The following ATPAF1 variants were observed in gnomAD, a reference collection of about 807,000 sequenced individuals.
ATPAF1 encodes the protein ATP synthase mitochondrial F1 complex assembly factor 1, also known as homolog of yeast ATP11.
A neutral mutation model predicts 43.9 loss-of-function variants in ATPAF1; 26 were observed. The observed-to-expected ratio is 0.59, with a 90% CI of 0.43 to 0.82. The LOEUF is 0.82. Ranked by LOEUF, ATPAF1 falls within the 40% of genes least tolerant of loss-of-function variation. ATPAF1 has a pLI of 0.00. For missense variants in ATPAF1, 366 were observed against 435.0 expected (o/e 0.84, Z 1.41); for synonymous variants, 157 against 168.0 (o/e 0.93, Z 0.50).
rs1049395520 is a variant in ATPAF1, at chr1:46,643,073, A to G, written c.792+121T>C. On this transcript the variant is annotated intron_variant, in intron 8 of 8. Coordinates refer to ENST00000574428, the Ensembl canonical transcript of ATPAF1. ...AGACAACTTCACTGTCAACTTTAAA[A>G]TAAGTAAGAAACAAGGTATATGTAG... 16 of 770,924 alleles carry G rather than the reference A, an allele frequency of 2.1e-5. 1 individual carries two copies. In the South Asian group the frequency reaches 2.7e-4, roughly 13 times the overall value. 47.8% of individuals were successfully genotyped at this position (770,924 alleles called of 1,614,324 possible).
intron 6 of ATPAF1, among the ~76,000 whole-genome samples, chr1:46,647,503 TACACAC>T (rs56095996): frequency 6.0e-5 from 9 of 150,600 alleles, no homozygotes; most frequent in African/African-American, 7.3e-5. Context: ...TATACACACA[TACACAC>T]ACACACACAC....
At chr1:46,649,546 C>G (rs1351471530) in intron 6 of ATPAF1, among the ~76,000 whole-genome samples, 1 of 152,184 alleles carries the variant, frequency 6.6e-6, no homozygotes, top group Non-Finnish European at 1.5e-5. Context: ...TTAAAACCAG[C>G]TCATCAATTT....
chr1:46,651,003 TTTA>T (rs1676156800), intron 6 of ATPAF1, among the ~76,000 whole-genome samples: 1 of 152,058 alleles, frequency 6.6e-6, no homozygotes, highest in East Asian at 1.9e-4. Context: ...TATTTATTTA[TTTA>T]TTATTATTAT....
Position 46,668,117 on chromosome 1 carries a change from GC to G in ATPAF1, c.205del (p.Ala69ProfsTer66). ...GTAGAAAGGGTTGGCCTGGAGCTCGGCCTCGGCCCCGACCCCGCTGCTGTCG... is the reference window on the plus strand; with the variant it reads ...GTAGAAAGGGTTGGCCTGGAGCTCGGCTCGGCCCCGACCCCGCTGCTGTCG... On this transcript the variant is annotated frameshift_variant, in exon 1 of 9. Coordinates refer to ENST00000574428, the Ensembl canonical transcript of ATPAF1. LOFTEE classifies it high-confidence loss of function. The surrounding 1 kb of genome is among the most constrained non-coding windows in gnomAD (Gnocchi z 4.4). The G allele has an allele frequency of 6.9e-7, 1 of 1,440,720 alleles. No homozygotes were observed. Among genetic ancestry groups the G allele is most frequent in the Non-Finnish European group, 9.1e-7 (1 of 1,095,384 alleles). 89.2% of individuals were successfully genotyped at this position (1,440,720 alleles called of 1,614,324 possible). A position where few individuals can be genotyped will look rare whatever the true frequency, so the allele number is the denominator to read the frequency against.
chr1:46,658,893 T>G (rs1307374956), intron 2 of ATPAF1, among the ~76,000 whole-genome samples, 156 bp from the exon 3 acceptor site: 1 of 152,208 alleles, frequency 6.6e-6, no homozygotes, highest in East Asian at 1.9e-4. Context: ...TTTAACACTA[T>G]TTTAAAAATT....
chr1:46,652,569 C>T lies in ATPAF1; in HGVS notation c.588+12G>A, dbSNP rs373775435. The T allele has an allele frequency of 1.2e-6, 2 of 1,612,224 alleles. No homozygotes were observed. Among genetic ancestry groups the T allele is most frequent in the African/African-American group, 2.7e-5 (2 of 74,832 alleles). ...TTGATAAGCAACCCTTACGTGATCA[C>T]CAGAAACTTACTGTTGGACAGGACT... On this transcript the variant is annotated intron_variant, in intron 6 of 8. Coordinates refer to ENST00000574428, the Ensembl canonical transcript of ATPAF1.
At chr1:46,663,525 A>G (rs980576418) in intron 2 of ATPAF1, among the ~76,000 whole-genome samples, 19 of 152,222 alleles carry the variant, frequency 1.2e-4, no homozygotes, top group Admixed American at 3.3e-4. Context: ...GCATTTCTCC[A>G]ATGGCCAGTG....
At chr1:46,658,240 A>C (rs78164984) in intron 3 of ATPAF1, 51 bp from the exon 4 acceptor site, 2 of 1,357,934 alleles carry the variant, frequency 1.5e-6, no homozygotes, top group Non-Finnish European at 2.0e-6. Context: ...AAAAAAAAAA[A>C]ACAGCTTAAC....
chr1:46,667,922 C>T, intron 1 of ATPAF1, 135 bp downstream of exon 1: 1 of 679,048 alleles, frequency 1.5e-6, no homozygotes. Flanking sequence ...GACCTAGCCT[C>T]GCGGAGCCTG....
At chr1:46,634,264 T>C (rs1675797274), downstream of ATPAF1, 1 of 204,342 alleles carries the variant, frequency 4.9e-6, no homozygotes, top group Non-Finnish European at 9.7e-6. Context: ...CCACATTCAG[T>C]GTCATATAAC....
intron 2 of ATPAF1, chr1:46,664,890 C>A: frequency 9.7e-6 from 2 of 206,664 alleles, no homozygotes; most frequent in South Asian, 1.1e-4. Context: ...ATCAAAGTCC[C>A]ATTCCTTCCT....
intron 2 of ATPAF1, among the ~76,000 whole-genome samples, chr1:46,662,075 T>C (rs1676400036): frequency 2.0e-5 from 3 of 151,860 alleles, no homozygotes; most frequent in Admixed American, 1.3e-4. Context: ...TTTGTATTTT[T>C]AGTAGAGAAG....
At chr1:46,652,427 T>C (rs1676188822) in intron 6 of ATPAF1, 154 bp downstream of exon 6, 2 of 672,744 alleles carry the variant, frequency 3.0e-6, no homozygotes, top group East Asian at 2.8e-5. Context: ...AACAGAGCAC[T>C]ATAACTTATT....
At chr1:46,658,717 C>G in exon 3 of ATPAF1, 3 of 1,603,042 alleles carry the variant, frequency 1.9e-6, no homozygotes, top group Non-Finnish European at 2.6e-6. Context: ...TGTTCACAGA[C>G]TGTTTCCCCA....
intron 2 of ATPAF1, among the ~76,000 whole-genome samples, chr1:46,661,771 T>A (rs1408040279): frequency 6.6e-6 from 1 of 152,202 alleles, no homozygotes; most frequent in Non-Finnish European, 1.5e-5. Flanking sequence ...AAATATGTGT[T>A]AGCCGTTAGC....
chr1:46,644,393 T>C (rs988342134), intron 7 of ATPAF1, among the ~76,000 whole-genome samples: 8 of 152,194 alleles, frequency 5.3e-5, no homozygotes, highest in African/African-American at 1.9e-4. Context: ...TTAAATGACA[T>C]AATATATATA....
At chr1:46,664,710 T>G (rs1676457906) in intron 2 of ATPAF1, 2 of 152,272 alleles carry the variant, frequency 1.3e-5, no homozygotes, top group Non-Finnish European at 2.9e-5. Flanking sequence ...TTTTGTAGAT[T>G]AAGTTTTACT....
rs971358223 is a variant in ATPAF1 at position 46,653,100 on chromosome 1, T to G, written c.541-472A>C. 8.5e-5 allele frequency among the ~76,000 whole-genome samples: 13 copies of G among 152,180 alleles called. No individual in the cohort carries two copies. The highest frequency in any genetic ancestry group is 1.6e-4 in the Non-Finnish European group (11 of 68,030). On this transcript the variant is annotated intron_variant, in intron 5 of 8. Transcript: ENST00000574428. This position sits in a 1 kb window ranked among gnomAD's most constrained non-coding sequence, Gnocchi z 4.8. Reference sequence around the variant, plus strand: ...TGGCTTTATCCTTCCATCTATATGTTTTCCTCCTTAATCTTACACTTACTC... The same window carrying G: ...TGGCTTTATCCTTCCATCTATATGTGTTCCTCCTTAATCTTACACTTACTC...
At chr1:46,665,700 A>G in intron 1 of ATPAF1, 1 of 1,533,752 alleles carries the variant, frequency 6.5e-7, no homozygotes, top group Non-Finnish European at 8.7e-7. Context: ...TCTTCAGACA[A>G]GAATCCTATA....
Sources: gnomAD v4.1 joint callset for allele counts (sites outside exome capture counted in the v4.1 genomes callset) on GRCh38, gnomAD v4.1.1 for gene constraint, Gnocchi (gnomAD v3.1) non-coding constraint, MANE v1.5 for transcripts, NCBI Gene and HGNC (gene_info 2026-07-23, HGNC 2026-07-21) for gene names.